The following FRMPD1 variants were observed in gnomAD, a reference collection of about 807,000 sequenced individuals.
FRMPD1 encodes FERM and PDZ domain-containing protein 1.
In FRMPD1, 76 loss-of-function variants were observed where a neutral mutation model predicts 117.8. The ratio of observed to expected loss-of-function variants is 0.65; its 90% confidence interval spans 0.54 to 0.78. The LOEUF is 0.78. FRMPD1 is among the 30% of genes least tolerant of loss of function. The pLI, the probability that FRMPD1 is intolerant of heterozygous loss-of-function variation, is 0.00. For synonymous variants in FRMPD1, 783 were observed against 770.4 expected (o/e 1.02, Z -0.27); for missense variants, 1,786 against 1,964.5 (o/e 0.91, Z 1.72).
At chr9:37,698,491 C>T (rs1416379505) in intron 2 of FRMPD1, among the ~76,000 whole-genome samples, 10 of 145,302 alleles carry the variant, frequency 6.9e-5, no homozygotes, top group Non-Finnish European at 1.2e-4. Context: ...TAACTGCCTA[C>T]TTTTACACAG....
the FRMPD1 span, among the ~76,000 whole-genome samples, chr9:37,605,275 G>T: frequency 2.0e-5 from 3 of 152,194 alleles, no homozygotes; most frequent in African/African-American, 4.8e-5. Flanking sequence ...GCTCTGTTTG[G>T]CTCAGCACAA....
intron 1 of FRMPD1, among the ~76,000 whole-genome samples, chr9:37,688,895 A>G (rs1822039074): frequency 6.6e-6 from 1 of 152,064 alleles, no homozygotes; most frequent in South Asian, 2.1e-4. Flanking sequence ...TATTTTCATT[A>G]TATTTTTCTG....
At chr9:37,707,719 T>C in intron 3 of FRMPD1, 146 bp downstream of exon 3, 1 of 674,628 alleles carries the variant, frequency 1.5e-6, no homozygotes, top group Admixed American at 2.9e-5. Context: ...TGTCTTGGGC[T>C]TTGCACCTTA....
chr9:37,632,516 C>T, the FRMPD1 span, among the ~76,000 whole-genome samples: 1 of 152,202 alleles, frequency 6.6e-6, no homozygotes, highest in South Asian at 2.1e-4. Context: ...CTCAGTTTTC[C>T]TCTCTTCTGC....
rs1172547769 is a variant in FRMPD1 at position 37,733,459 on chromosome 9, A to G, written c.996-14A>G. ...GTAGAAATGGGCCTCCTTGTCTCCA[A>G]TGTCTCATGGCAGGAAAGACTGGGG... On this transcript the variant is annotated splice_polypyrimidine_tract_variant and intron_variant, in intron 10 of 15. Coordinates refer to ENST00000377765, the MANE Select transcript of FRMPD1 (RefSeq NM_014907.3). 2.2e-5 allele frequency: 36 copies of G among 1,610,596 alleles called. No homozygotes were observed. Among genetic ancestry groups the G allele is most frequent in the Non-Finnish European group, 3.0e-5 (35 of 1,178,876 alleles).
At chr9:37,735,787 T>C (rs1824093316) in intron 13 of FRMPD1, 53 bp downstream of exon 13, 6 of 1,274,112 alleles carry the variant, frequency 4.7e-6, no homozygotes, top group East Asian at 4.7e-5. Flanking sequence ...TGGGGCCAAA[T>C]AGGGGCCAGG....
rs544632213 is a variant in FRMPD1, at chr9:37,664,897, A to T, written c.-5+13803A>T. Among the ~76,000 whole-genome samples the T allele has an allele frequency of 2.1e-3, 324 of 152,302 alleles. 1 individual carries two copies. The highest frequency in any genetic ancestry group is 7.4e-3 in the African/African-American group (308 of 41,564). Reference sequence around the variant, plus strand: ...AGCTTTTGTGGGGGGCAATTTGGCTATATCAAAAGCATTAAAAACTTGTAT... The same window carrying T: ...AGCTTTTGTGGGGGGCAATTTGGCTTTATCAAAAGCATTAAAAACTTGTAT... On this transcript the variant is annotated intron_variant, in intron 1 of 15. Coordinates refer to ENST00000377765, the MANE Select transcript of FRMPD1 (RefSeq NM_014907.3).
intron 1 of FRMPD1, among the ~76,000 whole-genome samples, chr9:37,681,173 A>G (rs1821716201): frequency 6.8e-6 from 1 of 148,082 alleles, no homozygotes; most frequent in South Asian, 2.1e-4. Context: ...AGATGGGGCC[A>G]CTGCACTCCA....
At chr9:37,640,934 G>A in the FRMPD1 span, among the ~76,000 whole-genome samples, 1 of 152,168 alleles carries the variant, frequency 6.6e-6, no homozygotes, top group South Asian at 2.1e-4. Flanking sequence ...AGGTTGGAGT[G>A]CAATGGAGCG....
chr9:37,678,251 C>CA (rs1821597824), intron 1 of FRMPD1, among the ~76,000 whole-genome samples: 1 of 79,822 alleles, frequency 1.3e-5, no homozygotes, highest in Non-Finnish European at 2.3e-5. Flanking sequence ...GTACTTACCA[C>CA]TTTTTTTTTT....
chr9:37,718,850 G>A (rs139865807), intron 5 of FRMPD1, among the ~76,000 whole-genome samples: 14 of 152,324 alleles, frequency 9.2e-5, no homozygotes, highest in Non-Finnish European at 1.8e-4. Flanking sequence ...TTGCTACCAT[G>A]TTGAATGTCC....
chr9:37,726,412 C>G (rs1165786688), intron 7 of FRMPD1, among the ~76,000 whole-genome samples: 1 of 152,170 alleles, frequency 6.6e-6, no homozygotes, highest in Non-Finnish European at 1.5e-5. Flanking sequence ...ATAAATTACC[C>G]AGGGGCCGGG....
chr9:37,631,834 C>A, the FRMPD1 span, among the ~76,000 whole-genome samples: 1 of 152,158 alleles, frequency 6.6e-6, no homozygotes, highest in East Asian at 1.9e-4. Context: ...AAATTCCTGG[C>A]CTCAAGTGAT....
chr9:37,647,637 G>A (rs1230453357), upstream of FRMPD1, among the ~76,000 whole-genome samples: 1 of 152,044 alleles, frequency 6.6e-6, no homozygotes, highest in Non-Finnish European at 1.5e-5. Context: ...TTATAGGAAG[G>A]CAAAAATAAA....
At chr9:37,606,828 G>C in the FRMPD1 span, among the ~76,000 whole-genome samples, 1 of 152,168 alleles carries the variant, frequency 6.6e-6, no homozygotes, top group African/African-American at 2.4e-5. Context: ...CACAGCCAGA[G>C]AGAGGCTGGA....
At chr9:37,671,839 A>G (rs569248528) in intron 1 of FRMPD1, among the ~76,000 whole-genome samples, 11 of 152,254 alleles carry the variant, frequency 7.2e-5, no homozygotes, top group African/African-American at 1.9e-4. Flanking sequence ...GGTGGTGGGC[A>G]TCTGTAATCC....
In FRMPD1 at chr9:37,711,402, CTCTT is replaced by C. The variant is rs757882557; in HGVS notation, c.408+11_408+14del. ...AGTTGTTCGCTGCACGTCGGTAAAT[CTCTT>C]TCTATGTCCTGTGTGTTAGTTTCAC... On this transcript the variant is annotated splice_region_variant and intron_variant, in intron 5 of 15. Coordinates refer to ENST00000377765, the MANE Select transcript of FRMPD1 (RefSeq NM_014907.3). 8.8e-6 allele frequency: 14 copies of C among 1,593,736 alleles called. No homozygotes were observed. The highest frequency in any genetic ancestry group is 1.3e-5 in the African/African-American group (1 of 74,524).
At chr9:37,712,688 G>A (rs1822955000) in intron 5 of FRMPD1, among the ~76,000 whole-genome samples, 2 of 152,210 alleles carry the variant, frequency 1.3e-5, no homozygotes, top group Non-Finnish European at 2.9e-5. Context: ...ATTATGTGCA[G>A]TTGAAGCTAC....
At chr9:37,609,694 A>G in the FRMPD1 span, among the ~76,000 whole-genome samples, 1 of 152,166 alleles carries the variant, frequency 6.6e-6, no homozygotes, top group Non-Finnish European at 1.5e-5. Context: ...TGCAAGTTCA[A>G]AACCTTTCAG....
Sources: gnomAD v4.1 joint callset for allele counts (sites outside exome capture counted in the v4.1 genomes callset) on GRCh38, gnomAD v4.1.1 for gene constraint, MANE v1.5 for transcripts, NCBI Gene and HGNC (gene_info 2026-07-23, HGNC 2026-07-21) for gene names.